Variants in CAMK2D observed in about 807,000 individuals in gnomAD.
The protein encoded by CAMK2D is calcium/calmodulin-dependent protein kinase type II subunit delta.
In CAMK2D, 37 loss-of-function variants were observed where a neutral mutation model predicts 84.0. The observed-to-expected ratio is 0.44, with a 90% confidence interval of 0.34 to 0.58. The LOEUF is 0.58. Among genes scored for constraint, CAMK2D ranks in the 20% least tolerant of loss-of-function variants. CAMK2D has a pLI of 0.02. For missense variants in CAMK2D, 448 were observed against 652.5 expected, an observed-to-expected ratio of 0.69 and a Z score of 3.41; for synonymous variants, 202 against 212.5, an observed-to-expected ratio of 0.95 and a Z score of 0.43.
intron 8 of CAMK2D, among the ~76,000 whole-genome samples, chr4:113,523,973 C>T (rs1197680699): frequency 6.6e-6 from 1 of 152,004 alleles, no homozygotes; most frequent in African/African-American, 2.4e-5. Flanking sequence ...AAATGATCTT[C>T]CCGGGCTCAG....
At position 113,513,325 on chromosome 4, in the gene CAMK2D, T is replaced by C. The variant is rs1442032681; in HGVS notation, c.946+3A>G. ...TAAGAAGCAGAGTTCCCAATGCATG[T>C]ACCTGAGAAATTCCTTGTAGCCAGC... On this transcript the variant is annotated splice_donor_region_variant and intron_variant, in intron 12 of 20. Coordinates refer to ENST00000511664, the MANE Select transcript of CAMK2D (RefSeq NM_001321571.2). The C allele has an allele frequency of 6.2e-7, 1 of 1,613,268 alleles. No individual in the cohort carries two copies. Among genetic ancestry groups the C allele is most frequent in the Non-Finnish European group, 8.5e-7 (1 of 1,179,320 alleles).
At chr4:113,628,451 G>A (rs2099076511) in intron 3 of CAMK2D, among the ~76,000 whole-genome samples, 1 of 152,098 alleles carries the variant, frequency 6.6e-6, no homozygotes, top group Non-Finnish European at 1.5e-5. Context: ...AAAATGCGCA[G>A]TAAAATCAGA....
chr4:113,460,279 G>A lies in CAMK2D; in HGVS notation c.1212-38C>T, dbSNP rs377141236. 5.3e-5 allele frequency: 55 copies of A among 1,044,758 alleles called. 1 individual carries two copies. In the African/African-American group the frequency reaches 6.6e-4, roughly 13 times the overall value. The allele number at this position is 1,044,758 out of a possible 1,614,324, so 64.7% of individuals were successfully genotyped here. A position where few individuals can be genotyped will look rare whatever the true frequency, so the allele number is the denominator to read the frequency against. On this transcript the variant is annotated intron_variant, in intron 17 of 20. Transcript: ENST00000511664. The stretch of plus-strand genomic sequence containing the variant: ...AATAATGAAAACAACCAATTAATAG[G>A]TGCTTTAATGTGTTTTGTTGTTTCA...
At chr4:113,456,288 C>A (rs536160558) in intron 19 of CAMK2D, among the ~76,000 whole-genome samples, 1 of 152,242 alleles carries the variant, frequency 6.6e-6, no homozygotes, top group East Asian at 1.9e-4. Flanking sequence ...CAAATATTAA[C>A]AGGTGATCCT....
intron 4 of CAMK2D, among the ~76,000 whole-genome samples, chr4:113,593,138 G>A (rs186873869): frequency 2.6e-5 from 4 of 152,324 alleles, no homozygotes; most frequent in African/African-American, 7.2e-5. Flanking sequence ...ACAGGTATAA[G>A]CCACTGTGCC....
At chr4:113,476,888 C>T (rs1589868426) in intron 16 of CAMK2D, among the ~76,000 whole-genome samples, 1 of 152,088 alleles carries the variant, frequency 6.6e-6, no homozygotes, top group East Asian at 1.9e-4. Context: ...GTCCTGCAAC[C>T]CCCACCCAGA....
chr4:113,544,711 G>A (rs747738198), intron 6 of CAMK2D, among the ~76,000 whole-genome samples: 1 of 152,152 alleles, frequency 6.6e-6, no homozygotes, highest in African/African-American at 2.4e-5. Context: ...AAAGACTGCA[G>A]TCCTATCCCT....
chr4:113,526,689 TGTACTC>T (rs980380228), intron 8 of CAMK2D, among the ~76,000 whole-genome samples: 2 of 152,044 alleles, frequency 1.3e-5, no homozygotes, highest in African/African-American at 4.8e-5. Flanking sequence ...ATTACAGAAA[TGTACTC>T]AGACAATCCA....
chr4:113,461,848 C>T (rs2154106594), intron 17 of CAMK2D, among the ~76,000 whole-genome samples: 1 of 152,258 alleles, frequency 6.6e-6, no homozygotes, highest in East Asian at 1.9e-4. Context: ...AAAAGTCTAA[C>T]TCACTGTAGT....
At chr4:113,598,756 C>G (rs978161063) in intron 4 of CAMK2D, among the ~76,000 whole-genome samples, 2 of 152,126 alleles carry the variant, frequency 1.3e-5, no homozygotes, top group African/African-American at 4.8e-5. Context: ...AGTATCTTGG[C>G]TCACTGCAAC....
chr4:113,720,364 T>TCACACA lies in CAMK2D; in HGVS notation c.160+38955_160+38956insTGTGTG, dbSNP rs1491434615. On this transcript the variant is annotated intron_variant, in intron 2 of 20. Transcript: ENST00000511664. Reference sequence around the variant, plus strand: ...TGGTAAAGAAAATCAACAATCACATTCTCACACACACACACACACACACAC... The same window carrying TCACACA: ...TGGTAAAGAAAATCAACAATCACATTCACACACTCACACACACACACACACACACAC... Among the ~76,000 whole-genome samples the TCACACA allele has an allele frequency of 7.1e-3, 748 of 106,012 alleles. 5 individuals are homozygous for TCACACA. Among genetic ancestry groups the TCACACA allele is most frequent in the African/African-American group, 0.029 (721 of 24,858 alleles). The allele number at this position is 106,012 out of a possible 152,430, so 69.5% of individuals were successfully genotyped here. A position where few individuals can be genotyped will look rare whatever the true frequency, so the allele number is the denominator to read the frequency against.
intron 2 of CAMK2D, among the ~76,000 whole-genome samples, chr4:113,686,345 A>T (rs1189335477): frequency 6.6e-6 from 1 of 152,212 alleles, no homozygotes; most frequent in Non-Finnish European, 1.5e-5. Flanking sequence ...AAAAATACCT[A>T]AATATTGTTT....
chr4:113,706,635 C>T (rs1399467380), intron 2 of CAMK2D, among the ~76,000 whole-genome samples: 1 of 152,086 alleles, frequency 6.6e-6, no homozygotes, highest in African/African-American at 2.4e-5. Context: ...TACAACTTTG[C>T]CTACTATTTA....
chr4:113,565,058 G>T (rs1352246697), intron 4 of CAMK2D, among the ~76,000 whole-genome samples: 5 of 152,188 alleles, frequency 3.3e-5, no homozygotes, highest in Non-Finnish European at 7.4e-5. Flanking sequence ...AGTTCAAAGA[G>T]TCTTCAGAAA....
intron 16 of CAMK2D, among the ~76,000 whole-genome samples, chr4:113,481,101 GT>G (rs1426303680): frequency 6.6e-6 from 1 of 152,148 alleles, no homozygotes; most frequent in Non-Finnish European, 1.5e-5. Context: ...CATTTTCGGT[GT>G]TTTTAACTCC....
chr4:113,478,791 C>T lies in CAMK2D; in HGVS notation c.1136-13187G>A, dbSNP rs72903998. ...AAAAATACTCTACTTAAAATACTCA[C>T]GGCCCCAAAACATTATTTTCTCCAG... is the stretch of plus-strand genomic sequence containing the variant. On this transcript the variant is annotated intron_variant, in intron 16 of 20. Transcript: ENST00000511664. Among the ~76,000 whole-genome samples the T allele has an allele frequency of 3.9e-3, 595 of 152,218 alleles. 4 individuals carry two copies. The highest frequency in any genetic ancestry group is 0.013 in the African/African-American group (546 of 41,548).
In CAMK2D at chr4:113,745,188, C is replaced by T. The variant is rs192363382; in HGVS notation, c.160+14132G>A. On this transcript the variant is annotated intron_variant, in intron 2 of 20. Transcript: ENST00000511664. ...TTTGCAATTTGGTAAACTACCTTTA[C>T]GTGTTTTTAACCTTTTCTTTCCTGA... 1.4e-3 allele frequency among the ~76,000 whole-genome samples: 206 copies of T among 152,300 alleles called. 2 individuals are homozygous for T. The highest frequency in any genetic ancestry group is 4.7e-3 in the Admixed American group (72 of 15,302).
intron 2 of CAMK2D, among the ~76,000 whole-genome samples, chr4:113,725,467 G>C (rs1478364691): frequency 6.6e-6 from 1 of 152,048 alleles, no homozygotes; most frequent in Non-Finnish European, 1.5e-5. Context: ...TCTGTTCTAT[G>C]TCAAATTTAC....
At chr4:113,605,726 C>T (rs951249647) in intron 4 of CAMK2D, among the ~76,000 whole-genome samples, 1 of 152,106 alleles carries the variant, frequency 6.6e-6, no homozygotes, top group African/African-American at 2.4e-5. Context: ...TTCCAATAAC[C>T]TCACCTAGCC....
Sources: allele counts gnomAD v4.1 joint callset (sites outside exome capture counted in the v4.1 genomes callset), GRCh38; gene constraint gnomAD v4.1.1; transcripts MANE v1.5; gene names NCBI Gene and HGNC (gene_info 2026-07-23, HGNC 2026-07-21).